The following C12orf42 variants were observed in gnomAD, a reference collection of about 807,000 sequenced individuals.
C12orf42 encodes the protein uncharacterized protein C12orf42.
A neutral mutation model predicts 21.6 loss-of-function variants in C12orf42; 25 were observed. The observed-to-expected ratio is 1.16, with a 90% confidence interval of 0.84 to 1.62. The LOEUF (loss-of-function observed/expected upper bound fraction) is 1.62, where lower values mean the gene tolerates loss of function less well. C12orf42 is among the 40% of genes most tolerant of loss of function. The pLI, the probability that C12orf42 is intolerant of heterozygous loss-of-function variation, is 0.00. For synonymous variants in C12orf42, 174 were observed against 175.0 expected, an observed-to-expected ratio of 0.99 and a Z score of 0.05; for missense variants, 483 against 459.3, an observed-to-expected ratio of 1.05 and a Z score of -0.47.
chr12:103,146,612 A>AAAGAAAGAAAG, the C12orf42 span, among the ~76,000 whole-genome samples: 21 of 116,872 alleles, frequency 1.8e-4, no homozygotes, highest in East Asian at 7.6e-4. Context: ...AAGAAAGAAA[A>AAAGAAAGAAAG]AGAAAAGTAA....
At chr12:103,127,541 G>C in the C12orf42 span, among the ~76,000 whole-genome samples, 2 of 152,106 alleles carry the variant, frequency 1.3e-5, no homozygotes, top group Non-Finnish European at 2.9e-5. Flanking sequence ...ACATACATGA[G>C]AGAGAAAGAG....
the C12orf42 span, among the ~76,000 whole-genome samples, chr12:103,195,097 T>C: frequency 2.0e-5 from 3 of 152,196 alleles, no homozygotes; most frequent in Non-Finnish European, 4.4e-5. Context: ...TGACCTCCAA[T>C]TCCAACCATG....
rs1218745675 is a variant in C12orf42, at chr12:103,494,267, T to C, written c.-22+1635A>G. Among the ~76,000 whole-genome samples the C allele has an allele frequency of 2.0e-5, 3 of 152,226 alleles. No homozygotes were observed. In the East Asian group the frequency reaches 5.8e-4, roughly 29 times the overall value. On this transcript the variant is annotated intron_variant, in intron 1 of 5. Transcript: ENST00000548883. ...GAAGGGAGTTTATTGTGAAGAGTTC[T>C]TTCTTTGCCACTTGTTCTAAACCTG...
chr12:103,520,505 A>C, the C12orf42 span, among the ~76,000 whole-genome samples: 1 of 151,960 alleles, frequency 6.6e-6, no homozygotes, highest in African/African-American at 2.4e-5. Context: ...CCTGGGCAAC[A>C]TAATAAGACC....
the C12orf42 span, among the ~76,000 whole-genome samples, chr12:103,507,825 G>A: frequency 2.6e-5 from 4 of 152,116 alleles, no homozygotes; most frequent in Non-Finnish European, 4.4e-5. Context: ...ATAGCATCAG[G>A]CATTGCAAGA....
At chr12:103,163,708 C>G in the C12orf42 span, among the ~76,000 whole-genome samples, 1 of 152,064 alleles carries the variant, frequency 6.6e-6, no homozygotes, top group Non-Finnish European at 1.5e-5. Flanking sequence ...TCAAGTATAA[C>G]TGAGTAGGTT....
chr12:103,217,212 A>G, the C12orf42 span, among the ~76,000 whole-genome samples: 1 of 152,124 alleles, frequency 6.6e-6, no homozygotes, highest in Admixed American at 6.5e-5. Context: ...GTGCTGAAAC[A>G]TGCTTGTTAA....
chr12:103,537,914 G>A, the C12orf42 span, among the ~76,000 whole-genome samples: 1 of 152,208 alleles, frequency 6.6e-6, no homozygotes, highest in African/African-American at 2.4e-5. Flanking sequence ...CTTAAAAAGG[G>A]AGATTTGTGG....
Position 103,401,691 on chromosome 12 carries a change from C to G in C12orf42, c.79-16G>C, listed in dbSNP as rs764708773. On this transcript the variant is annotated splice_polypyrimidine_tract_variant and intron_variant, in intron 2 of 5. Transcript: ENST00000548883. ...AAGGGGATTTCTGAAACATTAGAAA[C>G]AAGGCATTTAGTATCACTTCAATAA... 1.8e-5 allele frequency: 29 copies of G among 1,608,554 alleles called. No homozygotes were observed. The highest frequency in any genetic ancestry group is 2.7e-5 in the African/African-American group (2 of 74,806).
At chr12:103,142,997 G>C in the C12orf42 span, among the ~76,000 whole-genome samples, 6 of 152,220 alleles carry the variant, frequency 3.9e-5, no homozygotes, top group Admixed American at 2.0e-4. Flanking sequence ...TCACACAAAG[G>C]GGGCAAGGTT....
the C12orf42 span, among the ~76,000 whole-genome samples, chr12:103,051,802 C>G: frequency 6.6e-6 from 1 of 152,162 alleles, no homozygotes; most frequent in African/African-American, 2.4e-5. Context: ...CTGTCTTGCT[C>G]CTTCTCCTCA....
At chr12:103,487,199 C>T (rs896889094) in intron 1 of C12orf42, among the ~76,000 whole-genome samples, 2 of 152,164 alleles carry the variant, frequency 1.3e-5, no homozygotes, top group African/African-American at 4.8e-5. Context: ...TTTCTGCCTT[C>T]ATTTCGTTAT....
At chr12:103,547,229 T>C in the C12orf42 span, among the ~76,000 whole-genome samples, 1 of 152,240 alleles carries the variant, frequency 6.6e-6, no homozygotes, top group South Asian at 2.1e-4. Flanking sequence ...GCTATTTACA[T>C]TTAAACTAAA....
intron 10 of C12orf42, chr12:103,263,314 A>G (rs1291444623): frequency 6.6e-6 from 1 of 152,102 alleles, no homozygotes; most frequent in Non-Finnish European, 1.5e-5. Context: ...AAATAAAAAT[A>G]AAAAAGAATA....
the C12orf42 span, among the ~76,000 whole-genome samples, chr12:103,560,935 T>C: frequency 2.0e-5 from 3 of 152,242 alleles, no homozygotes; most frequent in African/African-American, 4.8e-5. Flanking sequence ...CTGGGAGTCA[T>C]CCTTCTCCCT....
chr12:103,477,639 A>T (rs764422589), intron 2 of C12orf42, among the ~76,000 whole-genome samples: 6 of 151,978 alleles, frequency 3.9e-5, no homozygotes, highest in Non-Finnish European at 7.4e-5. Context: ...GGAAGACTGA[A>T]CCCTCTGTAA....
chr12:103,547,198 G>A, the C12orf42 span, among the ~76,000 whole-genome samples: 1 of 152,170 alleles, frequency 6.6e-6, no homozygotes, highest in East Asian at 1.9e-4. Flanking sequence ...GTCTAATGAG[G>A]TAGTCACTGG....
intron 4 of C12orf42, among the ~76,000 whole-genome samples, chr12:103,332,242 G>A (rs748585411): frequency 3.3e-5 from 5 of 152,146 alleles, no homozygotes; most frequent in African/African-American, 4.8e-5. Context: ...CATTTCACGC[G>A]TAATGAAACT....
chr12:103,206,989 T>C, the C12orf42 span, among the ~76,000 whole-genome samples: 1 of 152,184 alleles, frequency 6.6e-6, no homozygotes, highest in Non-Finnish European at 1.5e-5. Context: ...CAGTTCTGTT[T>C]CCCTCTTGTG....
Sources: gnomAD v4.1 joint callset for allele counts (sites outside exome capture counted in the v4.1 genomes callset) on GRCh38, gnomAD v4.1.1 for gene constraint, MANE v1.5 for transcripts, NCBI Gene and HGNC (gene_info 2026-07-23, HGNC 2026-07-21) for gene names.